MTMR12: variants seen among roughly 807,000 people sequenced by gnomAD.
MTMR12 encodes myotubularin related protein 12, also known as myotubularin-related protein 12.
In MTMR12, 33 loss-of-function variants were observed where a neutral mutation model predicts 96.7. That is an observed-to-expected ratio of 0.34 (90% CI 0.26 to 0.46). The LOEUF (loss-of-function observed/expected upper bound fraction) is 0.46, where lower values mean the gene tolerates loss of function less well. MTMR12 is among the 20% of genes least tolerant of loss of function. The probability of loss-of-function intolerance (pLI) is 1.00; values close to 1 mark genes in which losing one functional copy is unlikely to be tolerated. For missense variants in MTMR12, 721 were observed against 896.1 expected (o/e 0.80, Z 2.49); for synonymous variants, 298 against 327.2 (o/e 0.91, Z 0.96).
intron 1 of MTMR12, among the ~76,000 whole-genome samples, chr5:32,306,324 T>C (rs1581652381): frequency 2.6e-5 from 4 of 152,228 alleles, no homozygotes; most frequent in Admixed American, 2.6e-4. Flanking sequence ...TTCATGAAAC[T>C]TGTTGAAAGG....
chr5:32,286,092 C>A (rs1340485733), intron 1 of MTMR12, among the ~76,000 whole-genome samples: 1 of 152,190 alleles, frequency 6.6e-6, no homozygotes, highest in African/African-American at 2.4e-5. Flanking sequence ...ATAATCCCAG[C>A]ACTCTGGGAG....
rs1748107131 is a variant in MTMR12, at chr5:32,233,934, C to A, written c.1513G>T (p.Gly505Cys). ...NSPHQKDTNM[G>C]REGQDTQSKP... is the part of the protein sequence containing the mutation. Reference sequence around the variant, plus strand: ...CTTTGTGTATCCTGGCCTTCTCTACCCTGCCAAAACAAGCACAGGTCATGC... The same window carrying A: ...CTTTGTGTATCCTGGCCTTCTCTACACTGCCAAAACAAGCACAGGTCATGC... The change falls in exon 15 of 16, where the codon GGT becomes TGT. Residue 505 changes from glycine (G) to cysteine (C), a missense_variant and splice_region_variant. Gly to Cys is a radical substitution (Grantham distance 159, BLOSUM62 -3). Transcript: ENST00000382142. The surrounding 1 kb of genome is among the most constrained non-coding windows in gnomAD (Gnocchi z 5.0). The A allele has an allele frequency of 1.2e-6, 2 of 1,614,138 alleles. No individual in the cohort carries two copies. The highest frequency in any genetic ancestry group is 1.7e-6 in the Non-Finnish European group (2 of 1,180,022).
chr5:32,249,754 TTTTG>T (rs1379920473), intron 8 of MTMR12, among the ~76,000 whole-genome samples: 3 of 151,444 alleles, frequency 2.0e-5, no homozygotes, highest in Non-Finnish European at 2.9e-5. Context: ...CAGTGGGGGG[TTTTG>T]TTTGTTTTTC....
chr5:32,272,822 G>A (rs919985331), intron 3 of MTMR12, among the ~76,000 whole-genome samples: 1 of 152,188 alleles, frequency 6.6e-6, no homozygotes, highest in Non-Finnish European at 1.5e-5. Context: ...CCTGAAGTCA[G>A]CTTCAGGAAG....
intron 7 of MTMR12, among the ~76,000 whole-genome samples, chr5:32,257,002 G>A (rs1177873858): frequency 1.3e-5 from 2 of 152,142 alleles, no homozygotes; most frequent in African/African-American, 2.4e-5. Context: ...TGTAAGACAC[G>A]GCTGGACGCA....
chr5:32,293,721 T>C (rs1252718554), intron 1 of MTMR12, among the ~76,000 whole-genome samples: 1 of 152,104 alleles, frequency 6.6e-6, no homozygotes, highest in South Asian at 2.1e-4. Flanking sequence ...CACTCAAAGG[T>C]GTTTCAACAG....
intron 1 of MTMR12, among the ~76,000 whole-genome samples, chr5:32,282,569 GTA>G (rs1486688971): frequency 6.6e-6 from 1 of 151,666 alleles, no homozygotes; most frequent in East Asian, 1.9e-4. Flanking sequence ...ATCAACTCAG[GTA>G]AAAAACAAAT....
At chr5:32,231,161 G>A (rs951760499) in intron 15 of MTMR12, among the ~76,000 whole-genome samples, 9 of 151,994 alleles carry the variant, frequency 5.9e-5, no homozygotes, top group African/African-American at 1.5e-4. Flanking sequence ...AGACCGAGGC[G>A]GGCAGATCAC....
At chr5:32,253,730 T>C (rs1749036550) in intron 8 of MTMR12, among the ~76,000 whole-genome samples, 1 of 152,188 alleles carries the variant, frequency 6.6e-6, no homozygotes, top group African/African-American at 2.4e-5. Flanking sequence ...CAAGGGATCC[T>C]CCCACCTCAG....
chr5:32,238,467 G>GT (rs1231646936), intron 13 of MTMR12, among the ~76,000 whole-genome samples: 16 of 152,258 alleles, frequency 1.1e-4, no homozygotes, highest in African/African-American at 3.6e-4. Flanking sequence ...GGGATTACAG[G>GT]TGCAAACCAC....
chr5:32,289,060 A>G (rs1452209824), intron 1 of MTMR12, among the ~76,000 whole-genome samples: 1 of 152,218 alleles, frequency 6.6e-6, no homozygotes, highest in Non-Finnish European at 1.5e-5. Flanking sequence ...TACAATGGGA[A>G]TAACTGGATC....
At chr5:32,289,254 A>G (rs1265474197) in intron 1 of MTMR12, among the ~76,000 whole-genome samples, 1 of 152,212 alleles carries the variant, frequency 6.6e-6, no homozygotes, top group Non-Finnish European at 1.5e-5. Context: ...CTGCATTCCT[A>G]CTTAATTTAT....
At chr5:32,311,653 T>C (rs915366242) in intron 1 of MTMR12, among the ~76,000 whole-genome samples, 1 of 152,218 alleles carries the variant, frequency 6.6e-6, no homozygotes, top group South Asian at 2.1e-4. Context: ...TAAGAACTAT[T>C]GCTCAAGAAG....
At chr5:32,304,320 CAA>C (rs528197677) in intron 1 of MTMR12, among the ~76,000 whole-genome samples, 2 of 133,056 alleles carry the variant, frequency 1.5e-5, no homozygotes, top group Admixed American at 7.6e-5. Flanking sequence ...ACTCCGTCTC[CAA>C]AAAAAAAAAG....
Sources: gnomAD v4.1 joint callset for allele counts (sites outside exome capture counted in the v4.1 genomes callset) on GRCh38, gnomAD v4.1.1 for gene constraint, Gnocchi (gnomAD v3.1) non-coding constraint, MANE v1.5 for transcripts, NCBI Gene and HGNC (gene_info 2026-07-23, HGNC 2026-07-21) for gene names.